TNFAIP8: variants seen among roughly 807,000 people sequenced by gnomAD.
TNFAIP8 encodes the protein TNF alpha induced protein 8, also known as tumor necrosis factor alpha-induced protein 8.
In TNFAIP8, 7 loss-of-function variants were observed where a neutral mutation model predicts 13.3. The observed-to-expected ratio is 0.52, with a 90% CI of 0.30 to 0.99. TNFAIP8 has a LOEUF of 0.99. Ranked by LOEUF, TNFAIP8 falls within the 50% of genes least tolerant of loss-of-function variation. The probability of loss-of-function intolerance (pLI) is 0.07; values close to 1 mark genes in which losing one functional copy is unlikely to be tolerated. For synonymous variants in TNFAIP8, 94 were observed against 87.6 expected (o/e 1.07, Z -0.41); for missense variants, 258 against 236.9 (o/e 1.09, Z -0.58).
At chr5:119,269,216 T>G (rs1748194318) in intron 1 of TNFAIP8, among the ~76,000 whole-genome samples, 1 of 152,162 alleles carries the variant, frequency 6.6e-6, no homozygotes, top group South Asian at 2.1e-4. Context: ...GCCGTGAGCC[T>G]CATTCCTTCC....
intron 1 of TNFAIP8, among the ~76,000 whole-genome samples, chr5:119,281,708 C>T (rs982009590): frequency 6.6e-6 from 1 of 152,144 alleles, no homozygotes; most frequent in African/African-American, 2.4e-5. Flanking sequence ...AAAATATCTC[C>T]CTTTTAATAC....
intron 1 of TNFAIP8, among the ~76,000 whole-genome samples, chr5:119,317,713 G>A (rs1289855309): frequency 1.3e-5 from 2 of 151,746 alleles, no homozygotes; most frequent in African/African-American, 2.4e-5. Context: ...ATTCTCCTGC[G>A]TCAGCCTCCC....
At chr5:119,274,544 G>A (rs1469841532) in intron 1 of TNFAIP8, among the ~76,000 whole-genome samples, 2 of 152,168 alleles carry the variant, frequency 1.3e-5, no homozygotes, top group Non-Finnish European at 1.5e-5. Context: ...CCCAACATCC[G>A]GTGATGACCT....
chr5:119,280,019 G>A lies in TNFAIP8; in HGVS notation c.1+11112G>A, dbSNP rs111463076. 3.0e-3 allele frequency among the ~76,000 whole-genome samples: 462 copies of A among 152,014 alleles called. 2 individuals are homozygous for A. Among genetic ancestry groups the A allele is most frequent in the African/African-American group, 0.011 (443 of 41,512 alleles). ...CGTCAGTTGGCTACTGTGCTGATAT[G>A]CCTAGATTTTCTTAATGCTTTTTTA... On this transcript the variant is annotated intron_variant, in intron 1 of 1. Coordinates refer to the TNFAIP8 transcript ENST00000274456.
chr5:119,330,988 C>T (rs1043196680), intron 1 of TNFAIP8, among the ~76,000 whole-genome samples: 1 of 152,186 alleles, frequency 6.6e-6, no homozygotes, highest in East Asian at 1.9e-4. Flanking sequence ...TATTCCTGAG[C>T]ACAAATTGCT....
intron 1 of TNFAIP8, among the ~76,000 whole-genome samples, chr5:119,383,157 G>A (rs1752550338): frequency 6.6e-6 from 1 of 152,164 alleles, no homozygotes; most frequent in Non-Finnish European, 1.5e-5. Context: ...TTTTTTTAAT[G>A]TAGTTTGTAA....
At chr5:119,338,706 C>T (rs939465450) in intron 1 of TNFAIP8, among the ~76,000 whole-genome samples, 1 of 152,210 alleles carries the variant, frequency 6.6e-6, no homozygotes, top group African/African-American at 2.4e-5. Context: ...GATGTTACAT[C>T]CGTTGTGGCT....
chr5:119,354,853 A>T (rs1161144605), upstream of TNFAIP8: 1 of 159,392 alleles, frequency 6.3e-6, no homozygotes, highest in Non-Finnish European at 1.4e-5. Context: ...GCCTATATAA[A>T]ATCGGAAACG....
At position 119,339,286 on chromosome 5, in the gene TNFAIP8, G is replaced by A. The variant is rs180954034; in HGVS notation, c.2-53530G>A. 3.7e-3 allele frequency among the ~76,000 whole-genome samples: 570 copies of A among 152,220 alleles called. 1 individual carries two copies. Among genetic ancestry groups the A allele is most frequent in the Non-Finnish European group, 6.5e-3 (445 of 68,006 alleles). On this transcript the variant is annotated intron_variant, in intron 1 of 1. Coordinates refer to the TNFAIP8 transcript ENST00000274456. ...GACCAGCTTATTGGCTATGGCATCT[G>A]CTGTGATGATTGGCTTAGGCTTGGG...
intron 1 of TNFAIP8, among the ~76,000 whole-genome samples, chr5:119,341,456 G>A (rs983849588): frequency 5.9e-5 from 9 of 152,114 alleles, no homozygotes; most frequent in East Asian, 1.9e-4. Flanking sequence ...AGGTGGGTTC[G>A]GTCCCAAGGC....
intron 1 of TNFAIP8, among the ~76,000 whole-genome samples, chr5:119,358,872 C>T (rs1259557492): frequency 2.0e-5 from 3 of 152,006 alleles, no homozygotes; most frequent in South Asian, 2.1e-4. Context: ...AAGGGGTGGG[C>T]GAGGTGTCAC....
chr5:119,328,339 C>CA (rs11421168), intron 1 of TNFAIP8, among the ~76,000 whole-genome samples: 14,578 of 151,744 alleles, frequency 0.096, 806 homozygotes, highest in African/African-American at 0.16. Context: ...ACTTACTTCG[C>CA]AAAAAAAATT....
intron 1 of TNFAIP8, among the ~76,000 whole-genome samples, chr5:119,360,300 T>A (rs759605496): frequency 3.9e-5 from 6 of 152,346 alleles, no homozygotes; most frequent in Non-Finnish European, 8.8e-5. Flanking sequence ...GCAGAATTGC[T>A]GGATTTACCT....
In TNFAIP8 at chr5:119,298,802, G is replaced by A. The variant is rs569758590; in HGVS notation, c.1+29895G>A. Among the ~76,000 whole-genome samples the A allele has an allele frequency of 6.8e-3, 1,038 of 151,844 alleles. 2 individuals are homozygous for A. Among genetic ancestry groups the A allele is most frequent in the Non-Finnish European group, 0.012 (783 of 67,954 alleles). On this transcript the variant is annotated intron_variant, in intron 1 of 1. Coordinates refer to the TNFAIP8 transcript ENST00000274456. Reference sequence around the variant, plus strand: ...CCCATATTTCTTAGAGGCTTTGTTCGTTTCTTTTTATTCTTTTTTCTCTAA... The same window carrying A: ...CCCATATTTCTTAGAGGCTTTGTTCATTTCTTTTTATTCTTTTTTCTCTAA...
chr5:119,355,206 T>C (rs1024301891), upstream of TNFAIP8: 12 of 684,332 alleles, frequency 1.8e-5, no homozygotes, highest in Admixed American at 6.3e-5. Flanking sequence ...AAACCTCCCC[T>C]TTGGCATTTT....
At position 119,383,141 on chromosome 5, in the gene TNFAIP8, G is replaced by GT. The variant is rs1284782031; in HGVS notation, c.32-9671dup. On this transcript the variant is annotated intron_variant, in intron 1 of 1. Coordinates refer to ENST00000504771, the MANE Select transcript of TNFAIP8 (RefSeq NM_014350.4). Reference sequence around the variant, plus strand: ...TCTTTTAGCTTATTGAAGAATTAAGGTTTTGTTTTTTTAATGTAGTTTGTA... The same window carrying GT: ...TCTTTTAGCTTATTGAAGAATTAAGGTTTTTGTTTTTTTAATGTAGTTTGTA... 3.9e-5 allele frequency among the ~76,000 whole-genome samples: 6 copies of GT among 152,184 alleles called. No homozygotes were observed. In the East Asian group the frequency reaches 9.6e-4, roughly 24 times the overall value.
chr5:119,312,581 G>T (rs1484503247), intron 1 of TNFAIP8, among the ~76,000 whole-genome samples: 5 of 151,926 alleles, frequency 3.3e-5, no homozygotes, highest in Admixed American at 3.3e-4. Context: ...TTAAAGGGAA[G>T]AGTGTGAACT....
At chr5:119,296,912 G>A (rs1260334595) in intron 1 of TNFAIP8, among the ~76,000 whole-genome samples, 21 of 151,942 alleles carry the variant, frequency 1.4e-4, no homozygotes, top group African/African-American at 1.9e-4. Context: ...GTTTATTTGC[G>A]TAGAGGTGTT....
intron 1 of TNFAIP8, among the ~76,000 whole-genome samples, chr5:119,343,949 G>C (rs1750816444): frequency 6.6e-6 from 1 of 152,230 alleles, no homozygotes; most frequent in Non-Finnish European, 1.5e-5. Context: ...ATTTCTGAAT[G>C]ATTCCTTTTC....
Sources: allele counts gnomAD v4.1 joint callset (sites outside exome capture counted in the v4.1 genomes callset), GRCh38; gene constraint gnomAD v4.1.1; transcripts MANE v1.5; gene names NCBI Gene and HGNC (gene_info 2026-07-23, HGNC 2026-07-21).